Variants in EPHB1 observed in about 807,000 individuals in gnomAD.
EPHB1 encodes the protein EPH receptor B1, also known as ephrin type-B receptor 1.
Under a neutral mutation model 94.4 loss-of-function variants are expected in EPHB1, and 30 were observed. The ratio of observed to expected loss-of-function variants is 0.32; its 90% CI spans 0.24 to 0.43. The LOEUF (loss-of-function observed/expected upper bound fraction) is 0.43, where lower values mean the gene tolerates loss of function less well. Ranked by LOEUF, EPHB1 falls within the 20% of genes least tolerant of loss-of-function variation. The pLI is 1.00. For synonymous variants in EPHB1, 522 were observed against 489.1 expected, an observed-to-expected ratio of 1.07 and a Z score of -0.89; for missense variants, 1,055 against 1,308.3, an observed-to-expected ratio of 0.81 and a Z score of 2.99.
chr3:135,228,496 C>T (rs1040263246), intron 12 of EPHB1, among the ~76,000 whole-genome samples: 8 of 152,042 alleles, frequency 5.3e-5, no homozygotes, highest in Non-Finnish European at 1.2e-4. Context: ...CGAGATTTGC[C>T]CATTTTCACA....
chr3:135,011,315 T>A (rs1308425145), intron 3 of EPHB1, among the ~76,000 whole-genome samples: 1 of 152,248 alleles, frequency 6.6e-6, no homozygotes. Context: ...AGAAGATTCC[T>A]TCTTTATCCT....
intron 1 of EPHB1, among the ~76,000 whole-genome samples, chr3:134,871,609 A>C (rs2037501281): frequency 6.6e-6 from 1 of 152,090 alleles, no homozygotes; most frequent in Non-Finnish European, 1.5e-5. Context: ...AGTGTATTGC[A>C]CTTCATGTTC....
intron 1 of EPHB1, among the ~76,000 whole-genome samples, chr3:134,872,256 C>T (rs1442539883): frequency 1.3e-5 from 2 of 152,182 alleles, no homozygotes; most frequent in East Asian, 1.9e-4. Context: ...TTAGGGGTCT[C>T]CAGGATATCT....
chr3:134,869,699 G>T (rs2037458562), intron 1 of EPHB1, among the ~76,000 whole-genome samples: 1 of 151,924 alleles, frequency 6.6e-6, no homozygotes, highest in Non-Finnish European at 1.5e-5. Context: ...ATGACATTTT[G>T]TTTCTGATCT....
chr3:134,844,426 C>T (rs1233742355), intron 1 of EPHB1, among the ~76,000 whole-genome samples: 3 of 152,172 alleles, frequency 2.0e-5, no homozygotes, highest in Admixed American at 2.0e-4. Context: ...TATGTTGGCT[C>T]CTCTCTGGAC....
intron 7 of EPHB1, among the ~76,000 whole-genome samples, chr3:135,163,594 G>C (rs186539821): frequency 4.6e-5 from 7 of 152,274 alleles, no homozygotes; most frequent in Admixed American, 3.9e-4. Flanking sequence ...CTCACTTACT[G>C]TCTAGATTTA....
intron 1 of EPHB1, among the ~76,000 whole-genome samples, chr3:134,872,208 G>C (rs188580791): frequency 6.6e-6 from 1 of 152,210 alleles, no homozygotes; most frequent in African/African-American, 2.4e-5. Context: ...CCGGGTAACT[G>C]TTTTGCCTCT....
At chr3:135,251,292 G>A (rs1576502060) in intron 15 of EPHB1, among the ~76,000 whole-genome samples, 1 of 152,288 alleles carries the variant, frequency 6.6e-6, no homozygotes, top group South Asian at 2.1e-4. Flanking sequence ...ATCTTTTAGA[G>A]TGAAAAATTG....
chr3:134,877,252 C>G (rs189263968), intron 1 of EPHB1, among the ~76,000 whole-genome samples: 1 of 152,214 alleles, frequency 6.6e-6, no homozygotes, highest in African/African-American at 2.4e-5. Context: ...ATGTCACAGA[C>G]AGGACACCTG....
chr3:135,155,897 G>T (rs949271315), intron 6 of EPHB1, among the ~76,000 whole-genome samples: 2 of 151,812 alleles, frequency 1.3e-5, no homozygotes, highest in African/African-American at 4.8e-5. Flanking sequence ...CATTTTGGAT[G>T]GATCATTTAA....
intron 3 of EPHB1, among the ~76,000 whole-genome samples, chr3:135,033,672 G>A (rs1275153789): frequency 2.0e-5 from 3 of 152,196 alleles, no homozygotes; most frequent in Non-Finnish European, 4.4e-5. Flanking sequence ...GAGATAACTA[G>A]AGCTGTCCTT....
intron 9 of EPHB1, among the ~76,000 whole-genome samples, chr3:135,171,363 A>C (rs1242166712): frequency 6.6e-6 from 1 of 152,200 alleles, no homozygotes; most frequent in African/African-American, 2.4e-5. Flanking sequence ...GTCAGCCAGG[A>C]AGGAAGTCCC....
At chr3:135,076,682 G>T (rs1038226765) in intron 3 of EPHB1, among the ~76,000 whole-genome samples, 3 of 152,150 alleles carry the variant, frequency 2.0e-5, no homozygotes, top group Non-Finnish European at 4.4e-5. Flanking sequence ...CCAAAAGGTG[G>T]AAACCATCCA....
intron 1 of EPHB1, among the ~76,000 whole-genome samples, chr3:134,874,462 A>T (rs1438382630): frequency 6.6e-6 from 1 of 152,236 alleles, no homozygotes; most frequent in Non-Finnish European, 1.5e-5. Context: ...TGATGTGCAC[A>T]TGTATCCCCC....
intron 9 of EPHB1, among the ~76,000 whole-genome samples, chr3:135,176,372 A>T (rs1352330830): frequency 6.6e-6 from 1 of 152,202 alleles, no homozygotes; most frequent in African/African-American, 2.4e-5. Flanking sequence ...GGAAACGAGT[A>T]CTGAGTCTAA....
chr3:134,916,368 C>T (rs1054934663), intron 1 of EPHB1, among the ~76,000 whole-genome samples: 20 of 152,368 alleles, frequency 1.3e-4, no homozygotes, highest in Non-Finnish European at 2.4e-4. Flanking sequence ...CTCCTCAGCC[C>T]TTGGGCGGTC....
chr3:134,970,854 A>G (rs901475013), intron 3 of EPHB1, among the ~76,000 whole-genome samples: 4 of 152,210 alleles, frequency 2.6e-5, no homozygotes, highest in Non-Finnish European at 5.9e-5. Flanking sequence ...CCCGCCTACC[A>G]TATTGAATGA....
intron 3 of EPHB1, among the ~76,000 whole-genome samples, chr3:135,081,810 A>G (rs551490799): frequency 2.0e-5 from 3 of 152,264 alleles, no homozygotes; most frequent in Admixed American, 6.5e-5. Context: ...CTAAATGGCA[A>G]TGATCATGGA....
chr3:134,829,938 G>A (rs980105211), intron 1 of EPHB1, among the ~76,000 whole-genome samples: 29 of 152,282 alleles, frequency 1.9e-4, no homozygotes, highest in Non-Finnish European at 3.7e-4. Context: ...GAGAGGCCTG[G>A]AACAGATTCT....
Sources: gnomAD v4.1 joint callset for allele counts (sites outside exome capture counted in the v4.1 genomes callset) on GRCh38, gnomAD v4.1.1 for gene constraint, MANE v1.5 for transcripts, NCBI Gene and HGNC (gene_info 2026-07-23, HGNC 2026-07-21) for gene names.